PCDHA13: variants seen among roughly 807,000 people sequenced by gnomAD.
The protein encoded by PCDHA13 is protocadherin alpha 13.
A neutral mutation model predicts 64.8 loss-of-function variants in PCDHA13; 54 were observed. The observed-to-expected ratio is 0.83, with a 90% CI of 0.67 to 1.04. PCDHA13 has a LOEUF of 1.04. Among genes scored for constraint, PCDHA13 ranks in the 50% least tolerant of loss-of-function variants. PCDHA13 has a pLI of 0.00. For synonymous variants in PCDHA13, 587 were observed against 564.4 expected, an observed-to-expected ratio of 1.04 and a Z score of -0.57; for missense variants, 1,248 against 1,254.3, an observed-to-expected ratio of 0.99 and a Z score of 0.08.
At chr5:140,903,229 T>C (rs2153479721) in intron 1 of PCDHA13, among the ~76,000 whole-genome samples, 1 of 152,340 alleles carries the variant, frequency 6.6e-6, no homozygotes, top group South Asian at 2.1e-4. Flanking sequence ...CATCTATTAC[T>C]TTTTGATTTT....
chr5:140,885,485 T>C (rs2060611651), intron 1 of PCDHA13, among the ~76,000 whole-genome samples: 1 of 152,188 alleles, frequency 6.6e-6, no homozygotes, highest in Non-Finnish European at 1.5e-5. Context: ...GTGTCAAGTG[T>C]TCTGTTATCT....
intron 1 of PCDHA13, among the ~76,000 whole-genome samples, chr5:140,933,321 C>T (rs1266539168): frequency 2.6e-5 from 4 of 151,928 alleles, no homozygotes; most frequent in Non-Finnish European, 5.9e-5. Context: ...CTCGTATTCT[C>T]CTGTGCTGTA....
intron 1 of PCDHA13, chr5:140,967,470 C>T (rs1554229592): frequency 1.2e-6 from 2 of 1,613,462 alleles, no homozygotes; most frequent in Non-Finnish European, 8.5e-7. Context: ...GGGGGCATCC[C>T]AGCCCGCTCG....
chr5:140,925,721 T>C lies in PCDHA13; in HGVS notation c.2394+41059T>C, dbSNP rs1360748997. Among the ~76,000 whole-genome samples the C allele has an allele frequency of 3.3e-5, 5 of 151,692 alleles. No individual in the cohort carries two copies. In the East Asian group the frequency reaches 7.7e-4, roughly 23 times the overall value. ...AGCCTATTCTTATCCTGCCTCATGG[T>C]GTTTTCTAAATATTTACAGAAAGAA... On this transcript the variant is annotated intron_variant, in intron 1 of 3. Transcript: ENST00000289272.
chr5:140,939,488 T>C (rs1554212750), intron 1 of PCDHA13, among the ~76,000 whole-genome samples: 1 of 151,188 alleles, frequency 6.6e-6, no homozygotes, highest in Non-Finnish European at 1.5e-5. Flanking sequence ...AGAATGTTAA[T>C]TATAAATTCA....
Position 141,009,840 on chromosome 5 carries a change from A to T in PCDHA13, c.2756A>T (p.Lys919Met), listed in dbSNP as rs782270689. 1 of 1,614,186 alleles carries T rather than the reference A, an allele frequency of 6.2e-7. No individual in the cohort carries two copies. The highest frequency in any genetic ancestry group is 1.7e-5 in the Admixed American group (1 of 60,024). The change falls in exon 4 of 4, where the codon AAG (lysine) becomes ATG (methionine). Residue 919 changes from lysine (K) to methionine (M), a missense_variant. Lys to Met is a moderately conservative substitution (Grantham distance 95). Coordinates refer to ENST00000289272, the MANE Select transcript of PCDHA13 (RefSeq NM_018904.3). ...AGTGACTTCATAACCTTCGGCAAAA[A>T]GGAGGAGACCAAGAAAAAGAAGAAA... Reference protein sequence around the residue: ...DKSDFITFGKKEETKKKKKKK... With the variant: ...DKSDFITFGKMEETKKKKKKK...
chr5:140,988,574 T>C (rs538316418), intron 3 of PCDHA13, among the ~76,000 whole-genome samples: 1 of 152,342 alleles, frequency 6.6e-6, no homozygotes, highest in East Asian at 1.9e-4. Context: ...GAAAACACTC[T>C]GTACCTTCCA....
At chr5:140,984,597 T>TA (rs1554246418) in intron 3 of PCDHA13, among the ~76,000 whole-genome samples, 1 of 152,182 alleles carries the variant, frequency 6.6e-6, no homozygotes, top group East Asian at 1.9e-4. Flanking sequence ...TTTCAATACA[T>TA]ACCTCTGCAT....
intron 1 of PCDHA13, among the ~76,000 whole-genome samples, chr5:140,923,629 G>A (rs1350871926): frequency 6.6e-6 from 1 of 152,138 alleles, no homozygotes; most frequent in Non-Finnish European, 1.5e-5. Flanking sequence ...TTATCCAAAA[G>A]GCAAAAATCT....
At chr5:140,913,857 T>C (rs1374392004) in intron 1 of PCDHA13, among the ~76,000 whole-genome samples, 3 of 152,208 alleles carry the variant, frequency 2.0e-5, no homozygotes, top group Admixed American at 6.5e-5. Context: ...CAGGAGCATA[T>C]TGTTTAATTT....
At chr5:140,984,533 T>C (rs1477702565) in intron 3 of PCDHA13, among the ~76,000 whole-genome samples, 1 of 152,216 alleles carries the variant, frequency 6.6e-6, no homozygotes, top group African/African-American at 2.4e-5. Context: ...CTTCATGGAC[T>C]GTGCTGGATA....
intron 1 of PCDHA13, among the ~76,000 whole-genome samples, chr5:140,973,118 G>T (rs1554234897): frequency 1.3e-5 from 2 of 152,168 alleles, no homozygotes; most frequent in Non-Finnish European, 2.9e-5. Context: ...TAGCAGAGAT[G>T]AATTAAGTTT....
intron 2 of PCDHA13, 36 bp downstream of exon 2, chr5:140,979,043 C>G: frequency 6.2e-7 from 1 of 1,612,500 alleles, no homozygotes. Context: ...CAGAAGTAAC[C>G]TTAACTTGGT....
intron 1 of PCDHA13, among the ~76,000 whole-genome samples, chr5:140,951,536 C>T (rs1260106126): frequency 2.0e-5 from 3 of 151,914 alleles, no homozygotes; most frequent in Admixed American, 6.6e-5. Flanking sequence ...GGTGCAGGAG[C>T]AAGGGACGGG....
At chr5:140,990,627 A>G (rs782672988) in intron 3 of PCDHA13, among the ~76,000 whole-genome samples, 16 of 152,198 alleles carry the variant, frequency 1.1e-4, no homozygotes, top group Non-Finnish European at 1.5e-4. Flanking sequence ...GTCTGTGGTA[A>G]GACTAGAAGC....
chr5:140,948,517 C>A (rs2094265494), intron 1 of PCDHA13, among the ~76,000 whole-genome samples: 1 of 151,496 alleles, frequency 6.6e-6, no homozygotes. Flanking sequence ...AAAATGTTAA[C>A]ACTATTTATA....
At chr5:140,908,529 T>C (rs1250814293) in intron 1 of PCDHA13, among the ~76,000 whole-genome samples, 1 of 152,178 alleles carries the variant, frequency 6.6e-6, no homozygotes, top group Non-Finnish European at 1.5e-5. Flanking sequence ...AAATGTTCAG[T>C]TTCCACCAAA....
At chr5:140,941,290 T>A (rs1403658442) in intron 1 of PCDHA13, among the ~76,000 whole-genome samples, 1 of 69,836 alleles carries the variant, frequency 1.4e-5, no homozygotes, top group Non-Finnish European at 3.3e-5. Flanking sequence ...TCCTTTCTCT[T>A]TCTTTCTTTC....
chr5:140,885,941 T>G (rs2060783691), intron 1 of PCDHA13, among the ~76,000 whole-genome samples: 1 of 152,196 alleles, frequency 6.6e-6, no homozygotes, highest in Non-Finnish European at 1.5e-5. Flanking sequence ...TTTTTTGACA[T>G]TTTTAATTAA....
Sources: gnomAD v4.1 joint callset for allele counts (sites outside exome capture counted in the v4.1 genomes callset) on GRCh38, gnomAD v4.1.1 for gene constraint, MANE v1.5 for transcripts, NCBI Gene and HGNC (gene_info 2026-07-23, HGNC 2026-07-21) for gene names.